RIMS1: variants seen among roughly 807,000 people sequenced by gnomAD.
RIMS1 encodes regulating synaptic membrane exocytosis 1.
A neutral mutation model predicts 214.1 loss-of-function variants in RIMS1; 83 were observed. The ratio of observed to expected loss-of-function variants is 0.39; its 90% CI spans 0.32 to 0.47. The LOEUF (loss-of-function observed/expected upper bound fraction) is 0.47. Among genes scored for constraint, RIMS1 ranks in the 20% least tolerant of loss-of-function variants. The pLI is 0.99. For synonymous variants in RIMS1, 793 were observed against 786.8 expected, an observed-to-expected ratio of 1.01 and a Z score of -0.13; for missense variants, 2,050 against 2,161.8, an observed-to-expected ratio of 0.95 and a Z score of 1.03.
At chr6:71,940,279 G>T (rs1371218637) in intron 1 of RIMS1, among the ~76,000 whole-genome samples, 1 of 152,116 alleles carries the variant, frequency 6.6e-6, no homozygotes. Flanking sequence ...AAATATTACT[G>T]TACTATCAGC....
chr6:72,055,078 T>C (rs754503488), intron 2 of RIMS1, among the ~76,000 whole-genome samples: 5 of 152,194 alleles, frequency 3.3e-5, no homozygotes, highest in African/African-American at 9.6e-5. Context: ...AAGTCTTTAA[T>C]CCATCTTGAG....
intron 1 of RIMS1, among the ~76,000 whole-genome samples, chr6:71,950,075 A>G (rs1561950161): frequency 6.6e-6 from 1 of 152,200 alleles, no homozygotes; most frequent in African/African-American, 2.4e-5. Context: ...AATAAATCTC[A>G]AAAAATTATG....
At chr6:71,969,927 C>T (rs963508772) in intron 2 of RIMS1, among the ~76,000 whole-genome samples, 1 of 152,038 alleles carries the variant, frequency 6.6e-6, no homozygotes, top group Admixed American at 6.5e-5. Flanking sequence ...GAGTTTCATT[C>T]ACATTTGAAA....
chr6:72,286,631 AAAG>A (rs1357445044), intron 24 of RIMS1, among the ~76,000 whole-genome samples: 2 of 152,242 alleles, frequency 1.3e-5, no homozygotes, highest in African/African-American at 4.8e-5. Context: ...GCAGGTTACA[AAAG>A]AAGAACTGGC....
chr6:72,024,900 G>GTTTTTTTTTTTTTTTTTTTTTTTTTTT (rs777214787), intron 2 of RIMS1, among the ~76,000 whole-genome samples: 4 of 98,666 alleles, frequency 4.1e-5, no homozygotes, highest in African/African-American at 1.1e-4. Context: ...AAATCTGTGG[G>GTTTTTTTTTTTTTTTTTTTTTTTTTTT]TTTTTTTTTT....
chr6:72,242,657 A>G (rs962810801), intron 10 of RIMS1, among the ~76,000 whole-genome samples: 1 of 151,642 alleles, frequency 6.6e-6, no homozygotes, highest in African/African-American at 2.4e-5. Context: ...TAACAATTGT[A>G]ATATCAAAAA....
chr6:72,219,227 C>T (rs2807528), intron 6 of RIMS1, among the ~76,000 whole-genome samples: 1 of 152,104 alleles, frequency 6.6e-6, no homozygotes, highest in South Asian at 2.1e-4. Flanking sequence ...AAAGAAGATA[C>T]ATTAATGAAG....
At chr6:72,005,558 G>A (rs968525311) in intron 2 of RIMS1, among the ~76,000 whole-genome samples, 4 of 152,148 alleles carry the variant, frequency 2.6e-5, no homozygotes, top group African/African-American at 9.7e-5. Flanking sequence ...TGAGAAAATT[G>A]TATTTGCTTT....
At chr6:72,324,027 CATAGATAG>C (rs70994121) in intron 28 of RIMS1, among the ~76,000 whole-genome samples, 7,559 of 145,904 alleles carry the variant, frequency 0.052, 244 homozygotes, top group African/African-American at 0.085. Flanking sequence ...TGCATGCATG[CATAGATAG>C]ATAGATAGAT....
chr6:72,161,833 G>A (rs2045467766), intron 4 of RIMS1, among the ~76,000 whole-genome samples: 1 of 140,810 alleles, frequency 7.1e-6, no homozygotes, highest in African/African-American at 2.5e-5. Context: ...TGGAATAAGT[G>A]TGATGTGGTG....
chr6:72,091,890 C>T (rs986091178), intron 2 of RIMS1, among the ~76,000 whole-genome samples: 3 of 152,122 alleles, frequency 2.0e-5, no homozygotes, highest in African/African-American at 7.2e-5. Context: ...TCGAAGTGTA[C>T]AAATAAATTT....
chr6:72,208,397 A>T lies in RIMS1; in HGVS notation c.1678+25248A>T, dbSNP rs559938112. Among the ~76,000 whole-genome samples the T allele has an allele frequency of 1.5e-4, 23 of 152,304 alleles. 1 individual carries two copies. The South Asian group carries it at 4.6e-3, about 30-fold the overall frequency. The stretch of plus-strand genomic sequence containing the variant: ...CTTTCCCATCCAGTTTTAAGCTCAA[A>T]ACTTTTTCCATTCCCGTAAGATCAA... On this transcript the variant is annotated intron_variant, in intron 6 of 33. Transcript: ENST00000521978.
At chr6:72,324,420 TA>T (rs894859671) in intron 28 of RIMS1, among the ~76,000 whole-genome samples, 1 of 151,870 alleles carries the variant, frequency 6.6e-6, no homozygotes, top group African/African-American at 2.4e-5. Context: ...ACTAATAGCA[TA>T]ATAGAAGAAT....
intron 1 of RIMS1, among the ~76,000 whole-genome samples, chr6:71,954,923 C>G (rs186965465): frequency 1.3e-5 from 2 of 151,518 alleles, no homozygotes; most frequent in African/African-American, 2.4e-5. Flanking sequence ...TGATTCTTGT[C>G]ATCATTGATT....
intron 2 of RIMS1, among the ~76,000 whole-genome samples, chr6:72,051,665 A>G (rs1824707226): frequency 6.6e-6 from 1 of 152,196 alleles, no homozygotes; most frequent in Non-Finnish European, 1.5e-5. Context: ...AAGCCTCATT[A>G]AAGCTTGGTA....
At chr6:72,043,514 G>C (rs1034782909) in intron 2 of RIMS1, among the ~76,000 whole-genome samples, 2 of 151,698 alleles carry the variant, frequency 1.3e-5, no homozygotes, top group African/African-American at 4.8e-5. Flanking sequence ...AAATTTTATG[G>C]CTAAATCATT....
chr6:72,332,041 A>T (rs974255023), intron 28 of RIMS1, among the ~76,000 whole-genome samples: 1 of 151,790 alleles, frequency 6.6e-6, no homozygotes, highest in Non-Finnish European at 1.5e-5. Context: ...AACTCACCTC[A>T]TACCAATTTC....
intron 1 of RIMS1, 27 bp from the exon 2 acceptor site, chr6:71,968,956 C>A: frequency 6.3e-7 from 1 of 1,590,544 alleles, no homozygotes; most frequent in Non-Finnish European, 8.6e-7. Context: ...ATTAATAGTG[C>A]GTTGTGCTGT....
intron 2 of RIMS1, among the ~76,000 whole-genome samples, chr6:71,993,432 G>C (rs1215356420): frequency 6.6e-6 from 1 of 152,160 alleles, no homozygotes; most frequent in African/African-American, 2.4e-5. Flanking sequence ...ACATAAACAG[G>C]AACATTGCTA....
Sources: gnomAD v4.1 joint callset for allele counts (sites outside exome capture counted in the v4.1 genomes callset) on GRCh38, gnomAD v4.1.1 for gene constraint, MANE v1.5 for transcripts, NCBI Gene and HGNC (gene_info 2026-07-23, HGNC 2026-07-21) for gene names.